The following DOK6 variants were observed in gnomAD, a reference collection of about 807,000 sequenced individuals.
DOK6 encodes downstream of tyrosine kinase 6.
DOK6 carries 22 observed loss-of-function variants against 44.0 expected under a neutral mutation model. That is an observed-to-expected ratio of 0.50 (90% CI 0.36 to 0.71). The LOEUF (loss-of-function observed/expected upper bound fraction) is 0.71. DOK6 is among the 30% of genes least tolerant of loss of function. The probability of loss-of-function intolerance (pLI) is 0.00; values close to 1 mark genes in which losing one functional copy is unlikely to be tolerated. For synonymous variants in DOK6, 166 were observed against 145.5 expected, an observed-to-expected ratio of 1.14 and a Z score of -1.01; for missense variants, 340 against 416.4, an observed-to-expected ratio of 0.82 and a Z score of 1.60.
intron 1 of DOK6, among the ~76,000 whole-genome samples, chr18:69,522,479 A>T (rs765622152): frequency 2.0e-5 from 3 of 152,058 alleles, no homozygotes; most frequent in Non-Finnish European, 4.4e-5. Context: ...AAAAAATTTA[A>T]ATCTATGCAT....
intron 1 of DOK6, among the ~76,000 whole-genome samples, chr18:69,476,121 C>CA (rs113422942): frequency 0.28 from 42,269 of 151,960 alleles, 6,676 homozygotes; most frequent in African/African-American, 0.41. Flanking sequence ...GTGGAGGTTC[C>CA]ACTTCCTTAC....
chr18:69,610,484 G>A (rs530496337), intron 3 of DOK6, among the ~76,000 whole-genome samples: 12 of 152,154 alleles, frequency 7.9e-5, no homozygotes, highest in Non-Finnish European at 1.6e-4. Flanking sequence ...CATTTATGGT[G>A]TATCCTTATT....
intron 3 of DOK6, among the ~76,000 whole-genome samples, chr18:69,667,811 G>T (rs1322784184): frequency 1.3e-5 from 2 of 152,014 alleles, no homozygotes; most frequent in East Asian, 3.9e-4. Flanking sequence ...TACCTACTCA[G>T]ACTTCTTGGT....
intron 7 of DOK6, among the ~76,000 whole-genome samples, chr18:69,794,838 C>G (rs1980698944): frequency 6.6e-6 from 1 of 152,128 alleles, no homozygotes. Context: ...CTATTGTGAA[C>G]TGCGCATGCG....
At chr18:69,654,114 G>A (rs1052521932) in intron 3 of DOK6, among the ~76,000 whole-genome samples, 8 of 152,160 alleles carry the variant, frequency 5.3e-5, no homozygotes, top group African/African-American at 1.7e-4. Flanking sequence ...AAACAGTTGA[G>A]GAGGGTGTTA....
intron 1 of DOK6, among the ~76,000 whole-genome samples, chr18:69,504,464 T>C (rs1243132738): frequency 6.6e-6 from 1 of 152,146 alleles, no homozygotes; most frequent in Non-Finnish European, 1.5e-5. Context: ...CCTGATATTT[T>C]TCTGAGCCTG....
intron 4 of DOK6, among the ~76,000 whole-genome samples, chr18:69,689,647 G>C (rs1308305789): frequency 6.6e-6 from 1 of 152,044 alleles, no homozygotes; most frequent in Non-Finnish European, 1.5e-5. Context: ...TCAGATTTTA[G>C]TACTCAATGT....
intron 7 of DOK6, among the ~76,000 whole-genome samples, chr18:69,821,156 G>GT: frequency 6.6e-6 from 1 of 152,052 alleles, no homozygotes; most frequent in African/African-American, 2.4e-5. Context: ...ATATATATTG[G>GT]TTAAAATGGT....
At chr18:69,520,297 G>A (rs1550595) in intron 1 of DOK6, among the ~76,000 whole-genome samples, 92,069 of 151,470 alleles carry the variant, frequency 0.61, 28,782 homozygotes, top group Non-Finnish European at 0.69. Context: ...ACAGTGCACT[G>A]TTGGATTTGG....
chr18:69,738,737 T>G (rs1978697636), intron 5 of DOK6, among the ~76,000 whole-genome samples: 1 of 152,224 alleles, frequency 6.6e-6, no homozygotes, highest in Non-Finnish European at 1.5e-5. Flanking sequence ...TGTGAATGCT[T>G]CCTTTTTAAA....
rs150827948 is a variant in DOK6, at chr18:69,614,390, C to T, written c.289+14892C>T. On this transcript the variant is annotated intron_variant, in intron 3 of 7. Transcript: ENST00000382713. Reference sequence around the variant, plus strand: ...AACCTTTATTTTCATTAGCATTTTTCAGTTTTACTGCGGCATAGTTAGCAA... The same window carrying T: ...AACCTTTATTTTCATTAGCATTTTTTAGTTTTACTGCGGCATAGTTAGCAA... Among the ~76,000 whole-genome samples, 95 of 152,218 alleles carry T rather than the reference C, an allele frequency of 6.2e-4. 1 individual carries two copies. Among genetic ancestry groups the T allele is most frequent in the Middle Eastern group, 3.4e-3 (1 of 294 alleles).
At chr18:69,702,083 G>T (rs1324815399) in intron 5 of DOK6, among the ~76,000 whole-genome samples, 2 of 150,026 alleles carry the variant, frequency 1.3e-5, no homozygotes, top group Non-Finnish European at 3.0e-5. Flanking sequence ...CTCACATATG[G>T]ACTCCAACAT....
rs57731190 is a variant in DOK6, at chr18:69,639,114, C to A, written c.290-38620C>A. ...TCTTTCTCCTGCAGTCTAGAAGATG[C>A]AAATAAAAGAGGCATAATAGCAGAA... On this transcript the variant is annotated intron_variant, in intron 3 of 7. Transcript: ENST00000382713. Among the ~76,000 whole-genome samples, 1,254 of 152,100 alleles carry A rather than the reference C, an allele frequency of 8.2e-3. 16 individuals are homozygous for A. Among genetic ancestry groups the A allele is most frequent in the African/African-American group, 0.029 (1,190 of 41,494 alleles).
intron 1 of DOK6, among the ~76,000 whole-genome samples, chr18:69,405,553 C>T (rs1395941534): frequency 6.6e-6 from 1 of 151,638 alleles, no homozygotes; most frequent in African/African-American, 2.4e-5. Context: ...GCACTCTAGC[C>T]TGGGTGACAA....
chr18:69,781,982 T>C (rs1272958390), intron 7 of DOK6, among the ~76,000 whole-genome samples: 3 of 152,118 alleles, frequency 2.0e-5, no homozygotes, highest in Middle Eastern at 3.2e-3. Flanking sequence ...ATTTGTAATA[T>C]AGAATTAGCT....
intron 2 of DOK6, among the ~76,000 whole-genome samples, chr18:69,581,113 T>C (rs141074442): frequency 1.1e-3 from 164 of 152,358 alleles, no homozygotes; most frequent in African/African-American, 3.8e-3. Context: ...TTGATGGACC[T>C]GGGAACCGCT....
intron 1 of DOK6, among the ~76,000 whole-genome samples, chr18:69,439,509 A>G (rs554704695): frequency 2.6e-4 from 39 of 152,356 alleles, no homozygotes; most frequent in Admixed American, 7.2e-4. Context: ...TTTTTAGAAC[A>G]GCCACCTTCA....
intron 1 of DOK6, among the ~76,000 whole-genome samples, chr18:69,460,008 T>C (rs1979743511): frequency 6.6e-6 from 1 of 152,230 alleles, no homozygotes; most frequent in South Asian, 2.1e-4. Context: ...ATCTCATTAG[T>C]CGTTTTAATA....
rs61078235 is a variant in DOK6 at position 69,700,216 on chromosome 18, C to CATAT, written c.599+1638_599+1641dup. Among the ~76,000 whole-genome samples, 607 of 124,796 alleles carry CATAT rather than the reference C, an allele frequency of 4.9e-3. 19 individuals carry two copies. The highest frequency in any genetic ancestry group is 0.015 in the African/African-American group (509 of 33,464). 81.9% of individuals were successfully genotyped at this position (124,796 alleles called of 152,430 possible). On this transcript the variant is annotated intron_variant, in intron 5 of 7. Transcript: ENST00000382713. ...TATCAGTTAGTTTTACATATATATACATATATATATATATATATGAATTGA... is the reference window on the plus strand; with the variant it reads ...TATCAGTTAGTTTTACATATATATACATATATATATATATATATATATGAATTGA...
Sources: allele counts gnomAD v4.1 joint callset (sites outside exome capture counted in the v4.1 genomes callset), GRCh38; gene constraint gnomAD v4.1.1; transcripts MANE v1.5; gene names NCBI Gene and HGNC (gene_info 2026-07-23, HGNC 2026-07-21).